The following NALF1 variants were observed in gnomAD, a reference collection of about 807,000 sequenced individuals.
NALF1 encodes NALCN channel auxiliary factor 1, also known as family with sequence similarity 155 member A.
Under a neutral mutation model 48.4 loss-of-function variants are expected in NALF1, and 3 were observed. The observed-to-expected ratio is 0.06, with a 90% confidence interval of 0.03 to 0.16. NALF1 has a LOEUF of 0.16. Ranked by LOEUF, NALF1 falls within the 10% of genes least tolerant of loss-of-function variation. The pLI, the probability that NALF1 is intolerant of heterozygous loss-of-function variation, is 1.00. For missense variants in NALF1, 526 were observed against 571.5 expected (o/e 0.92, Z 0.81); for synonymous variants, 262 against 245.7 (o/e 1.07, Z -0.62).
At chr13:107,854,643 C>G (rs759010959) in intron 1 of NALF1, among the ~76,000 whole-genome samples, 2 of 151,956 alleles carry the variant, frequency 1.3e-5, no homozygotes, top group African/African-American at 2.4e-5. Flanking sequence ...GAGGCCGAGG[C>G]GGGCAGATCA....
At chr13:107,553,111 C>A (rs529872820) in intron 1 of NALF1, among the ~76,000 whole-genome samples, 1 of 151,748 alleles carries the variant, frequency 6.6e-6, no homozygotes, top group Non-Finnish European at 1.5e-5. Context: ...GCAACACAGG[C>A]AAGATAAAAA....
intron 2 of NALF1, among the ~76,000 whole-genome samples, chr13:107,183,203 G>A (rs551357963): frequency 2.4e-4 from 36 of 152,282 alleles, no homozygotes; most frequent in African/African-American, 8.2e-4. Context: ...ACCCCTGGGG[G>A]AACAAGTCCA....
intron 1 of NALF1, among the ~76,000 whole-genome samples, chr13:107,495,227 A>T (rs1265537612): frequency 2.6e-5 from 4 of 151,440 alleles, no homozygotes; most frequent in Non-Finnish European, 5.9e-5. Context: ...CAGATACTAC[A>T]AACAATTGTG....
rs3832903 is a variant in NALF1, at chr13:107,866,367, CGCTGCTGCTGCT to C, written c.218_229del (p.Gln73_Gln76del). The C allele has an allele frequency of 0.039, 61,514 of 1,572,096 alleles. 2,039 individuals are homozygous for C. The highest frequency in any genetic ancestry group is 0.23 in the East Asian group (10,333 of 44,550). Reference sequence around the variant, plus strand: ...CTGCTGCTGCTGCTGCTGCTGCTGCCGCTGCTGCTGCTGGTGCTCCTTGTCCCGGGCCCGGGT... The same window carrying C: ...CTGCTGCTGCTGCTGCTGCTGCTGCCGGTGCTCCTTGTCCCGGGCCCGGGT... On this transcript the variant is annotated inframe_deletion, in exon 1 of 3. Transcript: ENST00000375915. This position sits in a 1 kb window ranked among gnomAD's most constrained non-coding sequence, Gnocchi z 4.4.
intron 2 of NALF1, among the ~76,000 whole-genome samples, chr13:107,203,968 T>C (rs2138797345): frequency 6.6e-6 from 1 of 152,204 alleles, no homozygotes; most frequent in African/African-American, 2.4e-5. Context: ...CTCTCCCTGC[T>C]CTCCAACAAG....
intron 1 of NALF1, among the ~76,000 whole-genome samples, chr13:107,343,138 A>C (rs1416884646): frequency 6.6e-6 from 1 of 152,206 alleles, no homozygotes; most frequent in Non-Finnish European, 1.5e-5. Context: ...TACAAAACAA[A>C]TCTTAACAAA....
intron 1 of NALF1, among the ~76,000 whole-genome samples, chr13:107,432,278 C>T (rs1305883187): frequency 1.3e-5 from 2 of 152,098 alleles, no homozygotes; most frequent in Non-Finnish European, 2.9e-5. Context: ...AGGGATCTGC[C>T]CCATGATCCA....
At position 107,167,854 on chromosome 13, in the gene NALF1, TA is replaced by T. The variant is rs1450451184; in HGVS notation, c.*2642del. The T allele has an allele frequency of 2.6e-5, 4 of 152,202 alleles. No homozygotes were observed. Among genetic ancestry groups the T allele is most frequent in the Non-Finnish European group, 5.9e-5 (4 of 68,042 alleles). 9.4% of individuals were successfully genotyped at this position (152,202 alleles called of 1,614,324 possible). On this transcript the variant is annotated 3_prime_UTR_variant, in exon 3 of 3. Coordinates refer to ENST00000375915, the MANE Select transcript of NALF1 (RefSeq NM_001080396.3). ...GTTGGCATTATCTCCAAACAAACGC[TA>T]AAACACGGGTAAGTGGAACCTTCTG... is the stretch of plus-strand genomic sequence containing the variant.
At chr13:107,804,785 C>T (rs1193656152) in intron 1 of NALF1, among the ~76,000 whole-genome samples, 1 of 152,104 alleles carries the variant, frequency 6.6e-6, no homozygotes, top group Non-Finnish European at 1.5e-5. Flanking sequence ...GTGTAATGAA[C>T]AATACCAGAG....
intron 1 of NALF1, among the ~76,000 whole-genome samples, chr13:107,708,086 G>T (rs927547341): frequency 6.6e-6 from 1 of 150,382 alleles, no homozygotes; most frequent in Non-Finnish European, 1.5e-5. Context: ...TCTAGAAAAC[G>T]CTCCTATAAT....
chr13:107,679,134 A>T (rs1881209571), intron 1 of NALF1, among the ~76,000 whole-genome samples: 1 of 152,314 alleles, frequency 6.6e-6, no homozygotes, highest in Non-Finnish European at 1.5e-5. Flanking sequence ...GGATAGCCTC[A>T]GTTTCCTATA....
At chr13:107,781,769 G>A (rs6492074) in intron 1 of NALF1, among the ~76,000 whole-genome samples, 28,976 of 151,708 alleles carry the variant, frequency 0.19, 2,862 homozygotes, top group Middle Eastern at 0.23. Flanking sequence ...ATTCTTTGAC[G>A]TTAATTGTTT....
chr13:107,302,705 T>C (rs1030198833), intron 1 of NALF1, among the ~76,000 whole-genome samples: 4 of 152,166 alleles, frequency 2.6e-5, no homozygotes, highest in African/African-American at 4.8e-5. Context: ...TTCAAAACAA[T>C]TGAATCTGAA....
At chr13:107,191,769 T>G (rs2138784819) in intron 2 of NALF1, among the ~76,000 whole-genome samples, 1 of 152,040 alleles carries the variant, frequency 6.6e-6, no homozygotes, top group East Asian at 1.9e-4. Flanking sequence ...CCTCCTGGGT[T>G]TAGGCAATTC....
chr13:107,635,375 C>A (rs549680320), intron 1 of NALF1, among the ~76,000 whole-genome samples: 2 of 152,026 alleles, frequency 1.3e-5, no homozygotes, highest in East Asian at 3.9e-4. Flanking sequence ...AAGGGGGAAA[C>A]ACTCCTTAAA....
At chr13:107,470,271 G>A (rs1444055933) in intron 1 of NALF1, among the ~76,000 whole-genome samples, 1 of 152,108 alleles carries the variant, frequency 6.6e-6, no homozygotes, top group African/African-American at 2.4e-5. Flanking sequence ...CTTTAGTGAG[G>A]TAGCAGAGAA....
chr13:107,210,509 G>T, intron 2 of NALF1, 75 bp downstream of exon 2: 2 of 1,060,362 alleles, frequency 1.9e-6, no homozygotes, highest in Non-Finnish European at 2.9e-6. Context: ...AAAGGAAACA[G>T]CAAAGCAAAC....
intron 1 of NALF1, among the ~76,000 whole-genome samples, chr13:107,424,363 C>T (rs1159275927): frequency 6.6e-6 from 1 of 152,044 alleles, no homozygotes; most frequent in Non-Finnish European, 1.5e-5. Context: ...GTCTTGAACT[C>T]CTGAGAACAA....
chr13:107,609,549 T>C (rs1879167527), intron 1 of NALF1, among the ~76,000 whole-genome samples: 1 of 152,184 alleles, frequency 6.6e-6, no homozygotes, highest in African/African-American at 2.4e-5. Context: ...TGAGTATTTT[T>C]TATTCCTTAG....
Sources: allele counts gnomAD v4.1 joint callset (sites outside exome capture counted in the v4.1 genomes callset), GRCh38; gene constraint gnomAD v4.1.1; non-coding constraint Gnocchi (gnomAD v3.1); transcripts MANE v1.5; gene names NCBI Gene and HGNC (gene_info 2026-07-23, HGNC 2026-07-21).